TBC1D8: variants seen among roughly 807,000 people sequenced by gnomAD.
TBC1D8 encodes the protein TBC1 domain family member 8, also known as BUB2-like protein 1.
Under a neutral mutation model 118.8 loss-of-function variants are expected in TBC1D8, and 65 were observed. The ratio of observed to expected loss-of-function variants is 0.55; its 90% CI spans 0.45 to 0.67. TBC1D8 has a LOEUF of 0.67. Ranked by LOEUF, TBC1D8 falls within the 30% of genes least tolerant of loss-of-function variation. The pLI is 0.00. For synonymous variants in TBC1D8, 566 were observed against 595.8 expected, an observed-to-expected ratio of 0.95 and a Z score of 0.73; for missense variants, 1,376 against 1,471.2, an observed-to-expected ratio of 0.94 and a Z score of 1.06.
At chr2:101,046,496 TG>T (rs1431675794) in intron 5 of TBC1D8, among the ~76,000 whole-genome samples, 1 of 152,106 alleles carries the variant, frequency 6.6e-6, no homozygotes, top group African/African-American at 2.4e-5. Context: ...GGGTGAGACA[TG>T]GGCCTTCTCT....
chr2:101,026,241 A>AT (rs1315144789), intron 15 of TBC1D8, among the ~76,000 whole-genome samples: 1 of 152,214 alleles, frequency 6.6e-6, no homozygotes, highest in Non-Finnish European at 1.5e-5. Context: ...CAAAACTCAC[A>AT]TAATTTGTTT....
At position 101,047,731 on chromosome 2, in the gene TBC1D8, A is replaced by G. The variant is rs562399669; in HGVS notation, c.872+2670T>C. Among the ~76,000 whole-genome samples the G allele has an allele frequency of 1.7e-4, 26 of 152,334 alleles. No homozygotes were observed. The South Asian group carries it at 2.1e-3, about 12-fold the overall frequency. Reference sequence around the variant, plus strand: ...GCACCCTGGCAGCTCAGCCCTGGCCAACACCAGGCCCTTTTTAGCCTTTCC... The same window carrying G: ...GCACCCTGGCAGCTCAGCCCTGGCCGACACCAGGCCCTTTTTAGCCTTTCC... On this transcript the variant is annotated intron_variant, in intron 5 of 19. Transcript: ENST00000409318.
intron 2 of TBC1D8, among the ~76,000 whole-genome samples, chr2:101,076,850 T>C (rs978337781): frequency 3.9e-5 from 6 of 152,208 alleles, no homozygotes; most frequent in African/African-American, 1.4e-4. Context: ...TGTATTAGTC[T>C]GTTCCCACAT....
intron 1 of TBC1D8, among the ~76,000 whole-genome samples, chr2:101,118,736 G>A (rs1197322256): frequency 2.0e-5 from 3 of 151,682 alleles, no homozygotes; most frequent in African/African-American, 7.3e-5. Flanking sequence ...TGGGCACAGT[G>A]GCTCACGCCT....
intron 1 of TBC1D8, among the ~76,000 whole-genome samples, chr2:101,107,497 G>C (rs1677298815): frequency 6.6e-6 from 1 of 151,952 alleles, no homozygotes; most frequent in African/African-American, 2.4e-5. Flanking sequence ...TCTCCCTGGA[G>C]AATCCTAATA....
At chr2:101,104,134 T>C (rs918717689) in intron 1 of TBC1D8, among the ~76,000 whole-genome samples, 3 of 152,216 alleles carry the variant, frequency 2.0e-5, no homozygotes, top group Non-Finnish European at 4.4e-5. Context: ...CAGTAAAAGG[T>C]ATTTTTGTTA....
intron 1 of TBC1D8, among the ~76,000 whole-genome samples, chr2:101,120,733 G>A (rs1189422447): frequency 6.6e-6 from 1 of 152,234 alleles, no homozygotes; most frequent in Non-Finnish European, 1.5e-5. Flanking sequence ...GTCCCAGGAA[G>A]CTCTGAACAG....
intron 1 of TBC1D8, among the ~76,000 whole-genome samples, chr2:101,100,988 A>C (rs1468366473): frequency 1.3e-5 from 2 of 152,232 alleles, no homozygotes; most frequent in Non-Finnish European, 2.9e-5. Flanking sequence ...AGACATGAGC[A>C]CAGACTTCAT....
chr2:101,054,139 G>C lies in TBC1D8; in HGVS notation c.600C>G (p.Leu200=), dbSNP rs1682235941. 2.5e-6 allele frequency: 4 copies of C among 1,613,196 alleles called. No homozygotes were observed. Among genetic ancestry groups the C allele is most frequent in the South Asian group, 2.2e-5 (2 of 90,852 alleles). ...TGCCCAGGAAGAAGGAGTAGAAGCA[G>C]AGGTGGTTGATGCTGAGGTACAGCC... ...QGWLYLSINH[L]CFYSFFLGKE... The change falls in exon 4 of 20, where the codon CTC becomes CTG. Residue 200 remains leucine (L), a synonymous_variant. Transcript: ENST00000409318.
intron 1 of TBC1D8, among the ~76,000 whole-genome samples, chr2:101,148,749 C>A (rs1679423379): frequency 6.6e-6 from 1 of 152,156 alleles, no homozygotes; most frequent in Admixed American, 6.5e-5. Context: ...CCCCCTTAGG[C>A]CACCACTGCT....
chr2:101,149,994 G>T (rs753127550), intron 1 of TBC1D8, among the ~76,000 whole-genome samples: 1 of 152,142 alleles, frequency 6.6e-6, no homozygotes, highest in Non-Finnish European at 1.5e-5. Flanking sequence ...CTCCCTCCAT[G>T]CAGCAACCTG....
At chr2:101,018,159 T>C (rs990690528) in intron 17 of TBC1D8, 1 of 471,246 alleles carries the variant, frequency 2.1e-6, no homozygotes, top group African/African-American at 1.9e-5. Context: ...CATACAGATA[T>C]TGCTGTACTA....
At chr2:101,051,128 T>C (rs910549644) in intron 4 of TBC1D8, among the ~76,000 whole-genome samples, 2 of 152,204 alleles carry the variant, frequency 1.3e-5, no homozygotes, top group African/African-American at 4.8e-5. Context: ...ATGGTGTACA[T>C]GTGCCACATT....
intron 1 of TBC1D8, among the ~76,000 whole-genome samples, chr2:101,127,742 T>G (rs1001937494): frequency 5.9e-5 from 9 of 152,004 alleles, no homozygotes; most frequent in African/African-American, 2.2e-4. Flanking sequence ...GAGAGATGAG[T>G]CCAACCTCCT....
intron 17 of TBC1D8, among the ~76,000 whole-genome samples, chr2:101,015,034 G>A (rs4851395): frequency 0.25 from 37,877 of 152,016 alleles, 5,344 homozygotes; most frequent in South Asian, 0.38. Flanking sequence ...AGGTGATTTT[G>A]TCATTGTGCA....
chr2:101,146,191 G>C (rs569044277), intron 1 of TBC1D8, among the ~76,000 whole-genome samples: 1 of 152,266 alleles, frequency 6.6e-6, no homozygotes, highest in South Asian at 2.1e-4. Flanking sequence ...TTAAGGCTGA[G>C]TTATAACTAA....
chr2:101,057,110 T>C (rs936151120), intron 3 of TBC1D8, among the ~76,000 whole-genome samples: 1 of 152,208 alleles, frequency 6.6e-6, no homozygotes, highest in African/African-American at 2.4e-5. Context: ...ATAAGGATTA[T>C]TTTGAGCTGA....
intron 19 of TBC1D8, 128 bp downstream of exon 19, chr2:101,010,801 G>C (rs968001135): frequency 2.1e-5 from 15 of 700,818 alleles, no homozygotes; most frequent in Admixed American, 5.5e-5. Flanking sequence ...AGAACTGCTT[G>C]AACCCTGGAG....
chr2:101,054,974 G>T (rs185509963), intron 3 of TBC1D8, among the ~76,000 whole-genome samples: 1 of 151,564 alleles, frequency 6.6e-6, no homozygotes, highest in African/African-American at 2.4e-5. Flanking sequence ...GAGCCACCAC[G>T]CCCGGCCACA....
Sources: allele counts gnomAD v4.1 joint callset (sites outside exome capture counted in the v4.1 genomes callset), GRCh38; gene constraint gnomAD v4.1.1; transcripts MANE v1.5; gene names NCBI Gene and HGNC (gene_info 2026-07-23, HGNC 2026-07-21).